Variants in FAP observed in about 807,000 individuals in gnomAD.
FAP encodes the protein prolyl endopeptidase FAP.
In FAP, 110 loss-of-function variants were observed where a neutral mutation model predicts 126.5. That is an observed-to-expected ratio of 0.87 (90% CI 0.74 to 1.02). FAP has a LOEUF of 1.02. Ranked by LOEUF, FAP falls within the 50% of genes least tolerant of loss-of-function variation. FAP has a pLI of 0.00. For synonymous variants in FAP, 334 were observed against 297.3 expected, an observed-to-expected ratio of 1.12 and a Z score of -1.27; for missense variants, 919 against 909.2, an observed-to-expected ratio of 1.01 and a Z score of -0.14.
chr2:162,197,967 A>G (rs1688323217), intron 16 of FAP, among the ~76,000 whole-genome samples: 1 of 152,232 alleles, frequency 6.6e-6, no homozygotes, highest in Non-Finnish European at 1.5e-5. Flanking sequence ...ATGACTACTT[A>G]GACCCCAATA....
At chr2:162,174,831 A>G (rs781459069) in intron 22 of FAP, 36 bp downstream of exon 22, 2 of 1,449,696 alleles carry the variant, frequency 1.4e-6, no homozygotes, top group Non-Finnish European at 1.9e-6. Context: ...TACGTGTTAA[A>G]TGCTTTCACA....
intron 16 of FAP, chr2:162,198,383 C>G: frequency 7.9e-7 from 1 of 1,268,746 alleles, no homozygotes; most frequent in East Asian, 5.4e-5. Flanking sequence ...TCTTTTTCTG[C>G]GATTGCTCAG....
chr2:162,226,425 C>G, intron 3 of FAP, 98 bp downstream of exon 3: 1 of 577,160 alleles, frequency 1.7e-6, no homozygotes, highest in Non-Finnish European at 3.0e-6. Flanking sequence ...TACATTTCAA[C>G]TGATACGGCT....
At chr2:162,220,243 C>T (rs1197599748) in intron 6 of FAP, among the ~76,000 whole-genome samples, 1 of 152,174 alleles carries the variant, frequency 6.6e-6, no homozygotes, top group African/African-American at 2.4e-5. Context: ...ATACAGTCCT[C>T]TCATTTTATA....
rs3827490 is a variant in FAP at position 162,231,470 on chromosome 2, C to T, written c.92-4849G>A. The stretch of plus-strand genomic sequence containing the variant: ...TGAATTCTGAAAGCATATCTCTCCT[C>T]TGTATATGTTAACACTTACTTGATT... On this transcript the variant is annotated intron_variant, in intron 2 of 25. Coordinates refer to ENST00000188790, the MANE Select transcript of FAP (RefSeq NM_004460.5). Among the ~76,000 whole-genome samples the T allele has an allele frequency of 4.3e-3, 661 of 152,262 alleles. 28 individuals carry two copies. In the East Asian group the frequency reaches 0.11, roughly 24 times the overall value.
intron 2 of FAP, among the ~76,000 whole-genome samples, chr2:162,239,455 T>G (rs1417331930): frequency 6.6e-6 from 1 of 152,084 alleles, no homozygotes; most frequent in Non-Finnish European, 1.5e-5. Flanking sequence ...GTGTTCTGTA[T>G]GAGTGCTTCA....
rs750622819 is a variant in FAP, at chr2:162,203,154, A to C, written c.1048-9T>G. 1 of 1,585,906 alleles carries C rather than the reference A, an allele frequency of 6.3e-7. No individual in the cohort carries two copies. The highest frequency in any genetic ancestry group is 2.2e-5 in the East Asian group (1 of 44,698). On this transcript the variant is annotated splice_polypyrimidine_tract_variant and intron_variant, in intron 12 of 25. Coordinates refer to ENST00000188790, the MANE Select transcript of FAP (RefSeq NM_004460.5). ...GGTGTTGAAACAAAGAACTGAAAAA[A>C]ATTAGCAGAGGTTATGTTCAAAAGA...
At chr2:162,218,498 A>G (rs1414570058) in intron 8 of FAP, among the ~76,000 whole-genome samples, 5 of 152,100 alleles carry the variant, frequency 3.3e-5, no homozygotes, top group African/African-American at 4.8e-5. Context: ...CTAGAGAGTG[A>G]CATAAACATT....
intron 2 of FAP, among the ~76,000 whole-genome samples, chr2:162,227,470 C>G (rs1559792179): frequency 6.6e-6 from 1 of 152,128 alleles, no homozygotes; most frequent in Admixed American, 6.6e-5. Flanking sequence ...AACCAAAGCC[C>G]AATGCCCTTT....
At chr2:162,237,584 CT>C (rs1690190153) in intron 2 of FAP, among the ~76,000 whole-genome samples, 1 of 152,224 alleles carries the variant, frequency 6.6e-6, no homozygotes. Context: ...GCCACATTTT[CT>C]TTATCCAGTC....
In FAP at chr2:162,173,161, C is replaced by T. The variant is rs779062673; in HGVS notation, c.2095G>A (p.Gly699Arg). The T allele has an allele frequency of 6.8e-6, 11 of 1,612,528 alleles. No homozygotes were observed. The highest frequency in any genetic ancestry group is 4.0e-5 in the African/African-American group (3 of 74,808). Residue 699 changes from glycine to arginine, a missense_variant, in exon 24 of 26, where the codon GGA becomes AGA. Physicochemically the swap from Gly to Arg is moderately radical, Grantham distance 125. Transcript: ENST00000188790. The stretch of plus-strand genomic sequence containing the variant: ...GCTTAAACCTCACCATCTGCTGTTC[C>T]GTGGATGAGAAGATAGTCTACATTT... The part of the protein sequence containing the change: ...FRNVDYLLIH[G>R]TADDNVHFQN...
chr2:162,231,103 C>T (rs1689881862), intron 2 of FAP, among the ~76,000 whole-genome samples: 2 of 152,112 alleles, frequency 1.3e-5, no homozygotes, highest in African/African-American at 4.8e-5. Context: ...TTTCCCAGAC[C>T]TGGAAAAGTG....
rs1344029463 is a variant in FAP at position 162,172,852 on chromosome 2, C to G, written c.2140G>C (p.Ala714Pro). The G allele has an allele frequency of 6.2e-7, 1 of 1,612,986 alleles. No homozygotes were observed. Among genetic ancestry groups the G allele is most frequent in the South Asian group, 1.1e-5 (1 of 91,042 alleles). The change falls in exon 25 of 26, where the codon GCT (alanine) becomes CCT (proline). Residue 714 changes from alanine (A) to proline (P), a missense_variant. Ala to Pro is a conservative substitution (Grantham distance 27, BLOSUM62 -1). Coordinates refer to ENST00000188790, the MANE Select transcript of FAP (RefSeq NM_004460.5). ...ACTTGTGCATTAACCAGAGCTTTAG[C>G]AATCTGTGCTGAGTTTTGAAAGTGC... is the stretch of plus-strand genomic sequence containing the variant. ...NVHFQNSAQI[A>P]KALVNAQVDF...
intron 21 of FAP, among the ~76,000 whole-genome samples, chr2:162,178,222 C>G (rs1687553987): frequency 1.3e-5 from 2 of 152,170 alleles, no homozygotes; most frequent in Admixed American, 1.3e-4. Context: ...TTCAACACCA[C>G]CTGGCTAGGC....
At chr2:162,185,586 A>G (rs1283181255) in intron 20 of FAP, among the ~76,000 whole-genome samples, 2 of 152,172 alleles carry the variant, frequency 1.3e-5, no homozygotes, top group Non-Finnish European at 2.9e-5. Flanking sequence ...GATAGAAGTT[A>G]TAAGACGATA....
intron 20 of FAP, among the ~76,000 whole-genome samples, chr2:162,185,559 G>A (rs536124131): frequency 2.0e-5 from 3 of 152,184 alleles, no homozygotes; most frequent in East Asian, 1.9e-4. Context: ...CTCTTCTGAC[G>A]CATTTTCTTT....
Position 162,233,590 on chromosome 2 carries a change from C to T in FAP, c.92-6969G>A, listed in dbSNP as rs563406356. ...TATTTATCTTTTTATTATTGAGCTG[C>T]CAGAATTCTTTGTATATTCTAGATG... On this transcript the variant is annotated intron_variant, in intron 2 of 25. Coordinates refer to ENST00000188790, the MANE Select transcript of FAP (RefSeq NM_004460.5). Among the ~76,000 whole-genome samples, 3 of 152,030 alleles carry T rather than the reference C, an allele frequency of 2.0e-5. No homozygotes were observed. The South Asian group carries it at 6.2e-4, about 32-fold the overall frequency.
chr2:162,205,398 T>C (rs1313777294), intron 12 of FAP, among the ~76,000 whole-genome samples: 4 of 152,222 alleles, frequency 2.6e-5, no homozygotes, highest in Admixed American at 2.6e-4. Context: ...TGGGTAAAAT[T>C]TTATTACTAT....
chr2:162,222,840 G>A (rs1328122951), intron 6 of FAP, among the ~76,000 whole-genome samples: 1 of 152,040 alleles, frequency 6.6e-6, no homozygotes, highest in African/African-American at 2.4e-5. Context: ...CCTCCTACTA[G>A]TCAGCAGGCC....
Sources: allele counts gnomAD v4.1 joint callset (sites outside exome capture counted in the v4.1 genomes callset), GRCh38; gene constraint gnomAD v4.1.1; transcripts MANE v1.5; gene names NCBI Gene and HGNC (gene_info 2026-07-23, HGNC 2026-07-21).